OSCP1: variants seen among roughly 807,000 people sequenced by gnomAD.
The protein encoded by OSCP1 is organic solute carrier partner 1.
A neutral mutation model predicts 45.1 loss-of-function variants in OSCP1; 35 were observed. That is an observed-to-expected ratio of 0.78 (90% CI 0.59 to 1.03). OSCP1 has a LOEUF of 1.03. OSCP1 is among the 50% of genes least tolerant of loss of function. The pLI, the probability that OSCP1 is intolerant of heterozygous loss-of-function variation, is 0.00. For missense variants in OSCP1, 400 were observed against 470.7 expected, an observed-to-expected ratio of 0.85 and a Z score of 1.39; for synonymous variants, 179 against 180.1, an observed-to-expected ratio of 0.99 and a Z score of 0.05.
At chr1:36,422,652 T>A in intron 6 of OSCP1, 116 bp downstream of exon 6, 1 of 1,090,782 alleles carries the variant, frequency 9.2e-7, no homozygotes, top group Non-Finnish European at 1.3e-6. Flanking sequence ...AAGGGGAAAT[T>A]ACTCCTATTG....
chr1:36,418,253 G>C lies in OSCP1; in HGVS notation c.1026C>G (p.Asp342Glu), dbSNP rs1647392874. The change falls in exon 10 of 10, where the codon GAC becomes GAG. Residue 342 changes from aspartate (D) to glutamate (E), a missense_variant and splice_region_variant. Physicochemically the swap from Asp to Glu is conservative, Grantham distance 45. Coordinates refer to ENST00000235532, the MANE Select transcript of OSCP1 (RefSeq NM_145047.5). ...GAGCCAGCTCCTCGCTCCGTTGCTG[G>C]TCCTATGAGGGAAATGAGAGGTAAA... Reference protein sequence around the residue: ...YEVINIQATQDQQRSEELARI... With the variant: ...YEVINIQATQEQQRSEELARI... The C allele has an allele frequency of 1.9e-6, 3 of 1,614,008 alleles. No homozygotes were observed. The highest frequency in any genetic ancestry group is 2.7e-5 in the African/African-American group (2 of 74,922).
At chr1:36,443,091 G>A (rs1284203790) in intron 1 of OSCP1, among the ~76,000 whole-genome samples, 2 of 152,124 alleles carry the variant, frequency 1.3e-5, no homozygotes, top group African/African-American at 4.8e-5. Flanking sequence ...AGTCTCCCAA[G>A]TAGCTGGGAT....
rs1240871404 is a variant in OSCP1 at position 36,422,840 on chromosome 1, T to C, written c.677A>G (p.Asn226Ser). The change falls in exon 6 of 10, where the codon AAC becomes AGC. Residue 226 changes from asparagine to serine, a missense_variant. Physicochemically the swap from Asn to Ser is conservative, Grantham distance 46 (BLOSUM62 1). Coordinates refer to ENST00000235532, the MANE Select transcript of OSCP1 (RefSeq NM_145047.5). ...VKRIEFKHGGNYVPAPKEGSF... is the reference protein window; with the variant it reads ...VKRIEFKHGGSYVPAPKEGSF... ...ACCTTCTTTGGGTGCAGGGACATAGTTTCCACCATGCTTGAATTCTATCCT... is the reference window on the plus strand; with the variant it reads ...ACCTTCTTTGGGTGCAGGGACATAGCTTCCACCATGCTTGAATTCTATCCT... 1 of 1,611,158 alleles carries C rather than the reference T, an allele frequency of 6.2e-7. No homozygotes were observed. Among genetic ancestry groups the C allele is most frequent in the Non-Finnish European group, 8.5e-7 (1 of 1,178,358 alleles).
chr1:36,420,354 G>T (rs1647543366), intron 8 of OSCP1, 122 bp downstream of exon 8: 4 of 1,182,404 alleles, frequency 3.4e-6, no homozygotes, highest in Non-Finnish European at 4.8e-6. Context: ...AAATTTGTTG[G>T]TATTTTATTT....
intron 4 of OSCP1, among the ~76,000 whole-genome samples, chr1:36,424,827 G>T (rs1427233922): frequency 1.3e-5 from 2 of 152,158 alleles, no homozygotes; most frequent in Non-Finnish European, 2.9e-5. Flanking sequence ...TGAGCTTGAA[G>T]ATCTTTTCAA....
At position 36,420,496 on chromosome 1, in the gene OSCP1, A is replaced by G; in HGVS notation, c.939T>C (p.Phe313=). The G allele has an allele frequency of 2.5e-6, 4 of 1,614,074 alleles. No homozygotes were observed. Among genetic ancestry groups the G allele is most frequent in the Non-Finnish European group, 3.4e-6 (4 of 1,180,012 alleles). The change falls in exon 8 of 10, where the codon TTT becomes TTC. Residue 313 remains phenylalanine (F), a synonymous_variant. Coordinates refer to ENST00000235532, the MANE Select transcript of OSCP1 (RefSeq NM_145047.5). ...GPEPGFRLNL[F]TTDEEEEQAA... ...CATACTCCTCTTCTTCATCGGTGGT[A>G]AAGAGATTCAACCGGAATCCGGGCT...
chr1:36,422,976 G>C, intron 5 of OSCP1, 80 bp from the exon 6 acceptor site: 1 of 1,227,408 alleles, frequency 8.1e-7, no homozygotes, highest in South Asian at 2.2e-5. Context: ...TTGTACTACA[G>C]AACAAAAAAG....
At chr1:36,443,446 T>G (rs1649320685) in intron 1 of OSCP1, among the ~76,000 whole-genome samples, 1 of 152,220 alleles carries the variant, frequency 6.6e-6, no homozygotes, top group South Asian at 2.1e-4. Flanking sequence ...CGACAACTTT[T>G]TCAGGTTTCC....
chr1:36,447,809 CT>C lies in OSCP1; in HGVS notation c.112+2448del, dbSNP rs1649636703. On this transcript the variant is annotated intron_variant, in intron 1 of 9. Transcript: ENST00000235532. The surrounding 1 kb of genome is among the most constrained non-coding windows in gnomAD (Gnocchi z 4.1). ...TACTGGAGTGGACTGATCAATAGCC[CT>C]ACCTCCAGTGAATGTCCAGAAGGGC... 1 of 413,766 alleles carries C rather than the reference CT, an allele frequency of 2.4e-6. No homozygotes were observed. The highest frequency in any genetic ancestry group is 1.7e-5 in the South Asian group (1 of 60,130). The allele number at this position is 413,766 out of a possible 1,614,324, so 25.6% of individuals were successfully genotyped here.
chr1:36,437,572 G>A (rs970485547), intron 2 of OSCP1, among the ~76,000 whole-genome samples: 1 of 152,154 alleles, frequency 6.6e-6, no homozygotes, highest in African/African-American at 2.4e-5. Context: ...AGGCTGGGGT[G>A]TAGTGGTGTG....
intron 4 of OSCP1, chr1:36,428,206 A>AG (rs1273378695): frequency 2.2e-6 from 3 of 1,353,702 alleles, no homozygotes; most frequent in Middle Eastern, 2.7e-4. Context: ...AAAAAAAAAA[A>AG]AAAAGAAAGA....
chr1:36,419,290 G>C (rs1053765981), intron 8 of OSCP1: 1 of 526,686 alleles, frequency 1.9e-6, no homozygotes, highest in African/African-American at 1.9e-5. Flanking sequence ...CCCTTCCTCT[G>C]CTTGGCAAAC....
At chr1:36,437,570 G>T (rs1183144772) in intron 2 of OSCP1, among the ~76,000 whole-genome samples, 1 of 152,098 alleles carries the variant, frequency 6.6e-6, no homozygotes, top group African/African-American at 2.4e-5. Flanking sequence ...CCAGGCTGGG[G>T]TGTAGTGGTG....
rs753771272 is a variant in OSCP1, at chr1:36,418,202, C to G, written c.1077G>C (p.Thr359=). 38 of 1,614,070 alleles carry G rather than the reference C, an allele frequency of 2.4e-5. No homozygotes were observed. Among genetic ancestry groups the G allele is most frequent in the Non-Finnish European group, 2.8e-5 (33 of 1,180,034 alleles). The change falls in exon 10 of 10, where the codon ACG becomes ACC. Residue 359 remains threonine, a synonymous_variant. Coordinates refer to ENST00000235532, the MANE Select transcript of OSCP1 (RefSeq NM_145047.5). ...TGCTGGTGCTCAGCCTTGGCTGCTC[C>G]GTGATCTCAAACTCCCCCATGATTC... ...LARIMGEFEI[T]EQPRLSTSKG...
At chr1:36,420,717 T>C (rs1226161712) in intron 7 of OSCP1, 102 bp from the exon 8 acceptor site, 3 of 1,419,938 alleles carry the variant, frequency 2.1e-6, no homozygotes, top group African/African-American at 1.4e-5. Flanking sequence ...GGTAGAACAA[T>C]TGCTATTTAA....
chr1:36,426,206 C>T (rs1256390984), intron 4 of OSCP1, among the ~76,000 whole-genome samples: 1 of 152,218 alleles, frequency 6.6e-6, no homozygotes, highest in Non-Finnish European at 1.5e-5. Flanking sequence ...TTAGTTTAAT[C>T]TTATGAGGTT....
intron 4 of OSCP1, among the ~76,000 whole-genome samples, chr1:36,427,600 A>C (rs1648059440): frequency 6.6e-6 from 1 of 152,158 alleles, no homozygotes; most frequent in African/African-American, 2.4e-5. Context: ...TACAGGCGTG[A>C]GCCACTGCAC....
At chr1:36,418,541 C>T in intron 9 of OSCP1, 2 of 465,096 alleles carry the variant, frequency 4.3e-6, no homozygotes, top group South Asian at 4.8e-5. Context: ...AATGACAATA[C>T]AGCACTTAAC....
intron 7 of OSCP1, among the ~76,000 whole-genome samples, chr1:36,421,434 C>T (rs532150574): frequency 7.9e-5 from 12 of 152,324 alleles, no homozygotes; most frequent in Admixed American, 5.2e-4. Flanking sequence ...TCAATATCCC[C>T]GCCTCTGAAA....
Sources: gnomAD v4.1 joint callset for allele counts (sites outside exome capture counted in the v4.1 genomes callset) on GRCh38, gnomAD v4.1.1 for gene constraint, Gnocchi (gnomAD v3.1) non-coding constraint, MANE v1.5 for transcripts, NCBI Gene and HGNC (gene_info 2026-07-23, HGNC 2026-07-21) for gene names.